The following ZNF804B variants were observed in gnomAD, a reference collection of about 807,000 sequenced individuals.
ZNF804B encodes the protein zinc finger protein 804B.
Under a neutral mutation model 101.4 loss-of-function variants are expected in ZNF804B, and 80 were observed. The ratio of observed to expected loss-of-function variants is 0.79; its 90% CI spans 0.66 to 0.95. The LOEUF (loss-of-function observed/expected upper bound fraction) is 0.95, where lower values mean the gene tolerates loss of function less well. Ranked by LOEUF, ZNF804B falls within the 40% of genes least tolerant of loss-of-function variation. The pLI is 0.00. For missense variants in ZNF804B, 1,673 were observed against 1,561.9 expected (o/e 1.07, Z -1.20); for synonymous variants, 622 against 558.8 (o/e 1.11, Z -1.59).
intron 1 of ZNF804B, among the ~76,000 whole-genome samples, chr7:88,796,749 T>TA (rs1790491941): frequency 6.6e-6 from 1 of 152,248 alleles, no homozygotes; most frequent in Admixed American, 6.5e-5. Flanking sequence ...GCACCATCTA[T>TA]ATGTCTCTTT....
intron 1 of ZNF804B, among the ~76,000 whole-genome samples, chr7:89,039,397 T>G (rs950316982): frequency 3.9e-5 from 6 of 152,006 alleles, no homozygotes; most frequent in Admixed American, 2.0e-4. Flanking sequence ...TGTGTTTTAG[T>G]TTTTAGTGTA....
At chr7:88,769,795 T>C (rs1028014222) in intron 1 of ZNF804B, among the ~76,000 whole-genome samples, 1 of 152,220 alleles carries the variant, frequency 6.6e-6, no homozygotes, top group African/African-American at 2.4e-5. Flanking sequence ...GAATCTCCAA[T>C]TGCCTGAGTT....
chr7:89,310,715 A>C (rs1012043476), intron 2 of ZNF804B, among the ~76,000 whole-genome samples: 1 of 152,234 alleles, frequency 6.6e-6, no homozygotes, highest in Non-Finnish European at 1.5e-5. Context: ...CTTAAAAATC[A>C]ATAAAATGTT....
intron 1 of ZNF804B, among the ~76,000 whole-genome samples, chr7:88,974,557 T>C (rs1485175479): frequency 6.6e-6 from 1 of 151,350 alleles, no homozygotes; most frequent in African/African-American, 2.4e-5. Flanking sequence ...TCTCATGTTA[T>C]AGTCTGTTTG....
chr7:89,284,884 G>C (rs1486443342), intron 2 of ZNF804B, among the ~76,000 whole-genome samples: 3 of 151,966 alleles, frequency 2.0e-5, no homozygotes, highest in Non-Finnish European at 4.4e-5. Flanking sequence ...GGCAGCAGAT[G>C]AGTTCTGAGG....
chr7:88,954,112 C>A (rs1793265907), intron 1 of ZNF804B, among the ~76,000 whole-genome samples: 1 of 151,630 alleles, frequency 6.6e-6, no homozygotes. Flanking sequence ...GGTTTAAACA[C>A]TCATAAGGAA....
intron 2 of ZNF804B, among the ~76,000 whole-genome samples, chr7:89,220,055 A>ATG (rs1744567104): frequency 8.3e-6 from 1 of 120,180 alleles, no homozygotes; most frequent in Admixed American, 8.4e-5. Context: ...GCATATATAC[A>ATG]TATATACGCA....
At chr7:89,043,800 T>C (rs554637669) in intron 1 of ZNF804B, among the ~76,000 whole-genome samples, 2 of 152,290 alleles carry the variant, frequency 1.3e-5, no homozygotes, top group African/African-American at 2.4e-5. Context: ...ACAGTAAAGA[T>C]TGTTGTTAAA....
chr7:89,260,502 C>T (rs1397744320), intron 2 of ZNF804B, among the ~76,000 whole-genome samples: 1 of 152,086 alleles, frequency 6.6e-6, no homozygotes, highest in Non-Finnish European at 1.5e-5. Flanking sequence ...TTTGTAAAGC[C>T]TAAAGCTATT....
At position 88,881,441 on chromosome 7, in the gene ZNF804B, C is replaced by T. The variant is rs1792028251; in HGVS notation, c.108+121357C>T. On this transcript the variant is annotated intron_variant, in intron 1 of 3. Transcript: ENST00000333190. ...GTTAGAATTTAAATTTAGCCCAATT[C>T]TTTAAATAAGAATGCAGAGATTTCA... 4.6e-5 allele frequency among the ~76,000 whole-genome samples: 7 copies of T among 152,192 alleles called. No individual in the cohort carries two copies. In the South Asian group the frequency reaches 1.5e-3, roughly 32 times the overall value.
At chr7:88,904,360 T>C (rs1323790542) in intron 1 of ZNF804B, among the ~76,000 whole-genome samples, 1 of 152,166 alleles carries the variant, frequency 6.6e-6, no homozygotes, top group East Asian at 1.9e-4. Context: ...TGTAGCCTTA[T>C]AGCATAGTTT....
intron 1 of ZNF804B, among the ~76,000 whole-genome samples, chr7:88,870,699 G>T (rs910462780): frequency 6.6e-6 from 1 of 152,080 alleles, no homozygotes. Flanking sequence ...GATGCCAAAA[G>T]GAGTCAATCC....
intron 2 of ZNF804B, among the ~76,000 whole-genome samples, chr7:89,309,998 A>T (rs1790626317): frequency 6.6e-6 from 1 of 151,890 alleles, no homozygotes; most frequent in East Asian, 1.9e-4. Context: ...TCTTACTTAA[A>T]TATCAATAGC....
intron 1 of ZNF804B, among the ~76,000 whole-genome samples, chr7:89,173,573 A>C (rs1367758069): frequency 6.6e-6 from 1 of 152,112 alleles, no homozygotes; most frequent in South Asian, 2.1e-4. Context: ...ATAGTGCTAT[A>C]TTTCTAAAAT....
intron 1 of ZNF804B, among the ~76,000 whole-genome samples, chr7:88,976,439 A>T (rs2116122913): frequency 6.6e-6 from 1 of 151,504 alleles, no homozygotes; most frequent in Non-Finnish European, 1.5e-5. Context: ...TCAATGTTTT[A>T]AATTTTCAAT....
intron 1 of ZNF804B, among the ~76,000 whole-genome samples, chr7:88,772,393 A>G (rs1489468384): frequency 6.6e-6 from 1 of 152,182 alleles, no homozygotes; most frequent in East Asian, 1.9e-4. Context: ...GATCATCAGG[A>G]TGCATTCCAC....
At position 89,218,269 on chromosome 7, in the gene ZNF804B, A is replaced by G. The variant is rs908441914; in HGVS notation, c.223A>G (p.Asn75Asp). Residue 75 changes from asparagine to aspartate, a missense_variant, in exon 2 of 4, where the codon AAT (asparagine) becomes GAT (aspartate). Physicochemically the swap from Asn to Asp is conservative, Grantham distance 23. Transcript: ENST00000333190. ...ACACCAGGAGTTTGACAATCATATT[A>G]ATTCTTATGACCATGCTCATAAGCA... ...HKHQEFDNHI[N>D]SYDHAHKQRL... The G allele has an allele frequency of 1.2e-6, 2 of 1,613,722 alleles. No individual in the cohort carries two copies. Among genetic ancestry groups the G allele is most frequent in the South Asian group, 2.2e-5 (2 of 90,992 alleles).
chr7:89,245,043 G>A (rs140242731), intron 2 of ZNF804B, among the ~76,000 whole-genome samples: 2,354 of 152,090 alleles, frequency 0.015, 50 homozygotes, highest in African/African-American at 0.053. Flanking sequence ...AAAATCTCAT[G>A]GACAAAATTC....
intron 1 of ZNF804B, among the ~76,000 whole-genome samples, chr7:88,892,576 G>T (rs1156617659): frequency 4.6e-5 from 7 of 151,980 alleles, no homozygotes; most frequent in Admixed American, 4.6e-4. Flanking sequence ...CCTCATTGCA[G>T]ACTTCTAAAA....
Sources: allele counts gnomAD v4.1 joint callset (sites outside exome capture counted in the v4.1 genomes callset), GRCh38; gene constraint gnomAD v4.1.1; transcripts MANE v1.5; gene names NCBI Gene and HGNC (gene_info 2026-07-23, HGNC 2026-07-21).